TAPBPL: variants seen among roughly 807,000 people sequenced by gnomAD.
TAPBPL encodes the protein TAP binding protein like, also known as tapasin-related protein.
Under a neutral mutation model 44.8 loss-of-function variants are expected in TAPBPL, and 32 were observed. That is an observed-to-expected ratio of 0.71 (90% CI 0.54 to 0.96). The LOEUF is 0.96. Ranked by LOEUF, TAPBPL falls within the 40% of genes least tolerant of loss-of-function variation. TAPBPL has a pLI of 0.00. For synonymous variants in TAPBPL, 230 were observed against 240.7 expected, an observed-to-expected ratio of 0.96 and a Z score of 0.41; for missense variants, 520 against 586.6, an observed-to-expected ratio of 0.89 and a Z score of 1.17.
intron 3 of TAPBPL, among the ~76,000 whole-genome samples, chr12:6,456,813 C>T (rs1008335840): frequency 1.3e-5 from 2 of 152,080 alleles, no homozygotes; most frequent in South Asian, 2.1e-4. Context: ...CCACCATGCC[C>T]GGCTAATTTT....
intron 4 of TAPBPL, among the ~76,000 whole-genome samples, chr12:6,458,244 TGC>T (rs1949752164): frequency 6.6e-6 from 1 of 152,050 alleles, no homozygotes; most frequent in Admixed American, 6.5e-5. Context: ...GGCATGGTGG[TGC>T]GCGCCTGTAG....
chr12:6,463,291 C>G (rs1949928086), downstream of TAPBPL: 1 of 1,277,894 alleles, frequency 7.8e-7, no homozygotes, highest in Admixed American at 3.7e-5. The surrounding 1 kb of genome is among the most constrained non-coding windows in gnomAD (Gnocchi z 4.0). Context: ...CAGCAATACA[C>G]AAGCACACCT....
chr12:6,456,024 T>C (rs1949694415), intron 3 of TAPBPL, among the ~76,000 whole-genome samples: 2 of 152,144 alleles, frequency 1.3e-5, no homozygotes, highest in Non-Finnish European at 2.9e-5. Context: ...CCTCCCAAAG[T>C]GTTGGGATTA....
downstream of TAPBPL, among the ~76,000 whole-genome samples, chr12:6,468,770 A>G (rs59068700): frequency 0.011 from 1,633 of 152,320 alleles, 30 homozygotes; most frequent in African/African-American, 0.036. Flanking sequence ...CACCTCCTAA[A>G]GAATTCCCAG....
intron 1 of TAPBPL, chr12:6,452,588 C>T (rs1291653896): frequency 1.5e-6 from 2 of 1,345,438 alleles, no homozygotes; most frequent in Middle Eastern, 2.8e-4. Flanking sequence ...GGCCTGGGAG[C>T]TGACACTTCA....
At chr12:6,462,765 C>T, downstream of TAPBPL, 1 of 1,512,066 alleles carries the variant, frequency 6.6e-7, no homozygotes, top group Non-Finnish European at 9.0e-7. Context: ...CAAGGAGGAG[C>T]CCAGAGGAGA....
downstream of TAPBPL, among the ~76,000 whole-genome samples, chr12:6,467,788 C>T (rs1158860573): frequency 6.6e-6 from 1 of 152,236 alleles, no homozygotes; most frequent in African/African-American, 2.4e-5. Flanking sequence ...AGCCTAGGGA[C>T]TTAGTGCCCT....
downstream of TAPBPL, chr12:6,464,704 GCTTGTC>G: frequency 2.7e-6 from 4 of 1,505,906 alleles, no homozygotes; most frequent in South Asian, 5.4e-5. Flanking sequence ...CAGGGGGAAG[GCTTGTC>G]CATCAAAGAA....
chr12:6,452,047 G>A lies in TAPBPL; in HGVS notation c.-202G>A. 1.6e-6 allele frequency: 1 copy of A among 630,024 alleles called. No homozygotes were observed. Among genetic ancestry groups the A allele is most frequent in the Non-Finnish European group, 2.8e-6 (1 of 352,820 alleles). The allele number at this position is 630,024 out of a possible 1,614,324, so 39.0% of individuals were successfully genotyped here. Reference sequence around the variant, plus strand: ...AGGGCTCTGGCAGCTGCTGCAGACGGCTTCACACAGGGACGCGGGCTGCCA... The same window carrying A: ...AGGGCTCTGGCAGCTGCTGCAGACGACTTCACACAGGGACGCGGGCTGCCA... On this transcript the variant is annotated 5_prime_UTR_variant, in exon 1 of 7. Transcript: ENST00000266556.
downstream of TAPBPL, among the ~76,000 whole-genome samples, chr12:6,470,080 A>G (rs957011652): frequency 1.3e-5 from 2 of 152,140 alleles, no homozygotes; most frequent in Non-Finnish European, 2.9e-5. Flanking sequence ...AAACAAATCC[A>G]GAGATTGTAG....
At chr12:6,465,527 G>A (rs952336334), downstream of TAPBPL, among the ~76,000 whole-genome samples, 16 of 149,650 alleles carry the variant, frequency 1.1e-4, no homozygotes, top group African/African-American at 1.7e-4. Flanking sequence ...GCTGATGTTG[G>A]GTGTGTCTGA....
chr12:6,471,700 G>A, the TAPBPL span, among the ~76,000 whole-genome samples: 3 of 152,060 alleles, frequency 2.0e-5, no homozygotes, highest in African/African-American at 7.2e-5. This position sits in a 1 kb window ranked among gnomAD's most constrained non-coding sequence, Gnocchi z 4.0. Flanking sequence ...GGTGGCGGGC[G>A]CCTGTAATCC....
At chr12:6,469,673 G>A (rs1945718972), downstream of TAPBPL, among the ~76,000 whole-genome samples, 1 of 152,154 alleles carries the variant, frequency 6.6e-6, no homozygotes, top group African/African-American at 2.4e-5. Context: ...CTAGGACCAG[G>A]CCAGGGTAGT....
downstream of TAPBPL, chr12:6,463,793 T>C (rs746956225): frequency 1.2e-4 from 137 of 1,189,224 alleles, no homozygotes; most frequent in Non-Finnish European, 1.4e-4. This position sits in a 1 kb window ranked among gnomAD's most constrained non-coding sequence, Gnocchi z 4.0. Context: ...AAACAAGTCC[T>C]GCTATTTTCA....
downstream of TAPBPL, chr12:6,462,476 G>C (rs139235612): frequency 4.0e-6 from 2 of 498,854 alleles, no homozygotes; most frequent in Non-Finnish European, 7.1e-6. Flanking sequence ...CAAAGTCCCA[G>C]GGTTTTGTTG....
chr12:6,462,613 C>A, downstream of TAPBPL: 1 of 610,328 alleles, frequency 1.6e-6, no homozygotes, highest in South Asian at 2.1e-5. Flanking sequence ...GCCAACTACA[C>A]CTGGTGAGCC....
At position 6,458,648 on chromosome 12, in the gene TAPBPL, C is replaced by T. The variant is rs1322323724; in HGVS notation, c.908C>T (p.Ser303Phe). The change falls in exon 5 of 7, where the codon TCC becomes TTC. Residue 303 changes from serine (S) to phenylalanine (F), a missense_variant. Transcript: ENST00000266556. ...TTATTCCTCATTCTTTCTCCAGCTT[C>T]CCCTAAAGTACGACTGAGCTTGGCA... ...QQIIQLNIQA[S>F]PKVRLSLANE... 6.2e-7 allele frequency: 1 copy of T among 1,612,738 alleles called. No individual in the cohort carries two copies. The highest frequency in any genetic ancestry group is 1.1e-5 in the South Asian group (1 of 91,076).
downstream of TAPBPL, chr12:6,463,253 C>T (rs1949927106): frequency 7.3e-7 from 1 of 1,373,844 alleles, no homozygotes; most frequent in Non-Finnish European, 9.4e-7. The surrounding 1 kb of genome is among the most constrained non-coding windows in gnomAD (Gnocchi z 4.0). Context: ...AGAGAGGCGG[C>T]TCTCAAGGAG....
upstream of TAPBPL, chr12:6,451,656 C>T (rs908267510): frequency 4.5e-6 from 2 of 441,120 alleles, no homozygotes; most frequent in South Asian, 8.2e-5. Flanking sequence ...AACACACTTC[C>T]TGCTGCGAAA....
Sources: allele counts gnomAD v4.1 joint callset (sites outside exome capture counted in the v4.1 genomes callset), GRCh38; gene constraint gnomAD v4.1.1; non-coding constraint Gnocchi (gnomAD v3.1); transcripts MANE v1.5; gene names NCBI Gene and HGNC (gene_info 2026-07-23, HGNC 2026-07-21).